SOX5: variants seen among roughly 807,000 people sequenced by gnomAD.
SOX5 encodes the protein transcription factor SOX-5.
SOX5 carries 9 observed loss-of-function variants against 92.0 expected under a neutral mutation model. The ratio of observed to expected loss-of-function variants is 0.10; its 90% CI spans 0.06 to 0.17. The LOEUF (loss-of-function observed/expected upper bound fraction) is 0.17, where lower values mean the gene tolerates loss of function less well. SOX5 is among the 10% of genes least tolerant of loss of function. The pLI is 1.00. For missense variants in SOX5, 642 were observed against 944.5 expected, an observed-to-expected ratio of 0.68 and a Z score of 4.20; for synonymous variants, 344 against 336.3, an observed-to-expected ratio of 1.02 and a Z score of -0.25.
At chr12:24,424,797 AGTTTT>A (rs1393647643) in intron 1 of SOX5, among the ~76,000 whole-genome samples, 1 of 100,328 alleles carries the variant, frequency 1.0e-5, no homozygotes, top group Non-Finnish European at 1.9e-5. Flanking sequence ...TTTCTTTGTG[AGTTTT>A]TTTTTTGGGG....
intron 2 of SOX5, among the ~76,000 whole-genome samples, chr12:24,361,487 A>G (rs1955545563): frequency 6.6e-6 from 1 of 152,176 alleles, no homozygotes; most frequent in Admixed American, 6.5e-5. Flanking sequence ...CTTAAATTAT[A>G]TAATACAAGC....
intron 3 of SOX5, among the ~76,000 whole-genome samples, chr12:23,811,233 C>A (rs956763603): frequency 3.3e-5 from 5 of 152,116 alleles, no homozygotes; most frequent in African/African-American, 1.2e-4. Flanking sequence ...TCACCCCCTA[C>A]ACAGAGGAAT....
intron 3 of SOX5, among the ~76,000 whole-genome samples, chr12:23,784,746 T>C (rs2095348424): frequency 1.3e-5 from 2 of 152,240 alleles, no homozygotes; most frequent in African/African-American, 4.8e-5. Context: ...TCTTCAGTTT[T>C]GAAGAAGCAT....
At chr12:23,778,212 CT>C (rs778313380) in intron 3 of SOX5, among the ~76,000 whole-genome samples, 17 of 152,260 alleles carry the variant, frequency 1.1e-4, no homozygotes, top group Middle Eastern at 3.4e-3. Flanking sequence ...TGAATCATGA[CT>C]TTAATATGCA....
At chr12:23,743,215 T>C (rs755972948) in intron 4 of SOX5, among the ~76,000 whole-genome samples, 58 of 152,208 alleles carry the variant, frequency 3.8e-4, no homozygotes, top group Non-Finnish European at 8.1e-4. Flanking sequence ...CATGCACATG[T>C]CTATGTTTAT....
intron 4 of SOX5, among the ~76,000 whole-genome samples, chr12:23,741,917 TAA>T (rs1455114525): frequency 6.6e-6 from 1 of 152,208 alleles, no homozygotes; most frequent in East Asian, 1.9e-4. Context: ...ATATTTAATA[TAA>T]GAGAAGTATG....
At chr12:23,660,363 T>C (rs950406062) in intron 7 of SOX5, among the ~76,000 whole-genome samples, 4 of 152,212 alleles carry the variant, frequency 2.6e-5, no homozygotes, top group Admixed American at 2.6e-4. Flanking sequence ...TGGATCTTAT[T>C]ACACCATTGT....
chr12:24,109,133 T>G (rs1431491412), intron 4 of SOX5, among the ~76,000 whole-genome samples: 13 of 152,168 alleles, frequency 8.5e-5, no homozygotes, highest in African/African-American at 2.9e-4. Flanking sequence ...CTAGGTACTA[T>G]AAATAGATAC....
At chr12:23,771,621 TC>T (rs2094938803) in intron 3 of SOX5, among the ~76,000 whole-genome samples, 1 of 152,176 alleles carries the variant, frequency 6.6e-6, no homozygotes, top group African/African-American at 2.4e-5. Context: ...GTGTCATATC[TC>T]CCCTTGTGCT....
rs547047923 is a variant in SOX5 at position 23,942,277 on chromosome 12, G to A, written c.38+7287C>T. On this transcript the variant is annotated intron_variant, in intron 1 of 14. Coordinates refer to ENST00000451604, the MANE Select transcript of SOX5 (RefSeq NM_006940.6). ...GATAAATATAAAATAGCTTAAAATG[G>A]TACGTGAAAGATCTTATGTAAAAGT... Among the ~76,000 whole-genome samples, 4 of 151,792 alleles carry A rather than the reference G, an allele frequency of 2.6e-5. 1 individual carries two copies. The South Asian group carries it at 8.3e-4, about 32-fold the overall frequency.
At chr12:24,065,935 A>G (rs1940662648) in intron 4 of SOX5, among the ~76,000 whole-genome samples, 1 of 152,108 alleles carries the variant, frequency 6.6e-6, no homozygotes, top group Non-Finnish European at 1.5e-5. Flanking sequence ...AACTTCAGCA[A>G]ATTTACCACT....
chr12:23,875,425 G>A (rs1252475635), intron 2 of SOX5, among the ~76,000 whole-genome samples: 1 of 152,056 alleles, frequency 6.6e-6, no homozygotes, highest in Non-Finnish European at 1.5e-5. Context: ...TAACCCCACT[G>A]TGTTTTTCCT....
At chr12:23,827,793 T>G (rs1464953840) in intron 3 of SOX5, among the ~76,000 whole-genome samples, 2 of 152,176 alleles carry the variant, frequency 1.3e-5, no homozygotes, top group Admixed American at 6.5e-5. Context: ...GCAATAGCTT[T>G]TTTTTGTTTT....
At chr12:23,888,773 A>G (rs1447265542) in intron 2 of SOX5, among the ~76,000 whole-genome samples, 1 of 152,220 alleles carries the variant, frequency 6.6e-6, no homozygotes, top group Non-Finnish European at 1.5e-5. Context: ...TTCGTGTGGT[A>G]TTTTGTGACA....
chr12:24,446,196 TAATA>T (rs1941447775), intron 1 of SOX5, among the ~76,000 whole-genome samples: 1 of 152,156 alleles, frequency 6.6e-6, no homozygotes, highest in African/African-American at 2.4e-5. Flanking sequence ...AACAAATGAC[TAATA>T]AATTATTAAG....
intron 1 of SOX5, among the ~76,000 whole-genome samples, chr12:24,528,952 T>C (rs754050033): frequency 6.6e-5 from 10 of 152,248 alleles, no homozygotes; most frequent in Non-Finnish European, 1.2e-4. Flanking sequence ...ATATTTATAA[T>C]ATTTAGAACA....
chr12:24,144,837 G>GA (rs780513513), intron 4 of SOX5, among the ~76,000 whole-genome samples: 6 of 150,362 alleles, frequency 4.0e-5, no homozygotes, highest in Non-Finnish European at 8.9e-5. Flanking sequence ...TCAAAAAAAA[G>GA]AAAAAAATAG....
Position 23,886,522 on chromosome 12 carries a change from T to C in SOX5, c.270+9271A>G, listed in dbSNP as rs960849904. Among the ~76,000 whole-genome samples, 5 of 151,876 alleles carry C rather than the reference T, an allele frequency of 3.3e-5. No individual in the cohort carries two copies. The East Asian group carries it at 9.7e-4, about 29-fold the overall frequency. On this transcript the variant is annotated intron_variant, in intron 2 of 14. Transcript: ENST00000451604. Reference sequence around the variant, plus strand: ...AGTTTCTAGAAATCAGGCACCAACATACTGCAAGATTTTTTTTTTTCTTTT... The same window carrying C: ...AGTTTCTAGAAATCAGGCACCAACACACTGCAAGATTTTTTTTTTTCTTTT...
chr12:24,276,769 G>A (rs1026299719), intron 3 of SOX5, among the ~76,000 whole-genome samples: 2 of 152,104 alleles, frequency 1.3e-5, no homozygotes, highest in African/African-American at 4.8e-5. Context: ...ATTTTCGTAT[G>A]TATTAACAGA....
Sources: gnomAD v4.1 joint callset for allele counts (sites outside exome capture counted in the v4.1 genomes callset) on GRCh38, gnomAD v4.1.1 for gene constraint, MANE v1.5 for transcripts, NCBI Gene and HGNC (gene_info 2026-07-23, HGNC 2026-07-21) for gene names.